ATXN7L1: variants seen among roughly 807,000 people sequenced by gnomAD.
ATXN7L1 encodes ataxin-7-like protein 1.
In ATXN7L1, 15 loss-of-function variants were observed where a neutral mutation model predicts 70.8. The observed-to-expected ratio is 0.21, with a 90% CI of 0.14 to 0.33. The LOEUF (loss-of-function observed/expected upper bound fraction) is 0.33. Ranked by LOEUF, ATXN7L1 falls within the 10% of genes least tolerant of loss-of-function variation. The pLI, the probability that ATXN7L1 is intolerant of heterozygous loss-of-function variation, is 1.00. For missense variants in ATXN7L1, 975 were observed against 1,097.1 expected (o/e 0.89, Z 1.57); for synonymous variants, 440 against 445.1 (o/e 0.99, Z 0.14).
chr7:105,789,137 G>A (rs1459791504), intron 2 of ATXN7L1, among the ~76,000 whole-genome samples: 1 of 152,210 alleles, frequency 6.6e-6, no homozygotes, highest in Non-Finnish European at 1.5e-5. Context: ...TCTGGCTGGG[G>A]ACAGAAGAAG....
intron 3 of ATXN7L1, among the ~76,000 whole-genome samples, chr7:105,758,308 C>T (rs1800060014): frequency 6.6e-6 from 1 of 152,204 alleles, no homozygotes. Flanking sequence ...ATGTTACATC[C>T]ATGACGGTGA....
chr7:105,735,387 A>C (rs1227681234), intron 3 of ATXN7L1, among the ~76,000 whole-genome samples: 1 of 152,146 alleles, frequency 6.6e-6, no homozygotes, highest in Non-Finnish European at 1.5e-5. Flanking sequence ...CCCTATTAAC[A>C]TGTTGTCTTT....
At chr7:105,816,098 G>A (rs1809148247) in intron 2 of ATXN7L1, among the ~76,000 whole-genome samples, 1 of 152,164 alleles carries the variant, frequency 6.6e-6, no homozygotes, top group African/African-American at 2.4e-5. Flanking sequence ...TGGGAGGATG[G>A]GGAGGAGAAG....
At chr7:105,609,818 C>A (rs1792993955) in intron 11 of ATXN7L1, among the ~76,000 whole-genome samples, 1 of 152,028 alleles carries the variant, frequency 6.6e-6, no homozygotes, top group East Asian at 1.9e-4. Context: ...GTCACCCAGG[C>A]TGGAGTGCAG....
intron 3 of ATXN7L1, among the ~76,000 whole-genome samples, chr7:105,698,936 T>C (rs532581517): frequency 1.1e-4 from 17 of 151,086 alleles, no homozygotes; most frequent in African/African-American, 4.1e-4. Context: ...TATATATACC[T>C]TACTAGGCAT....
chr7:105,637,203 G>A (rs1562932735), intron 7 of ATXN7L1, among the ~76,000 whole-genome samples: 8 of 152,196 alleles, frequency 5.3e-5, no homozygotes. Context: ...ATGACAGAGG[G>A]ACTCTGGCTG....
intron 2 of ATXN7L1, among the ~76,000 whole-genome samples, chr7:105,806,403 G>A (rs1237468670): frequency 6.6e-6 from 1 of 152,134 alleles, no homozygotes; most frequent in African/African-American, 2.4e-5. Context: ...CCAAAATTGT[G>A]AGAAATAAAC....
intron 3 of ATXN7L1, among the ~76,000 whole-genome samples, chr7:105,740,568 G>A: frequency 6.6e-6 from 1 of 151,980 alleles, no homozygotes; most frequent in African/African-American, 2.4e-5. Flanking sequence ...TAGCTGGGAT[G>A]GAAAAACCAC....
chr7:105,823,513 G>T (rs1246614836), intron 2 of ATXN7L1, among the ~76,000 whole-genome samples: 1 of 152,160 alleles, frequency 6.6e-6, no homozygotes, highest in Non-Finnish European at 1.5e-5. Context: ...CACTATATTG[G>T]AAGTTTTAAG....
At chr7:105,661,414 G>A (rs1330029337) in intron 4 of ATXN7L1, among the ~76,000 whole-genome samples, 1 of 152,144 alleles carries the variant, frequency 6.6e-6, no homozygotes, top group Non-Finnish European at 1.5e-5. Flanking sequence ...CGTTATGTTG[G>A]GCTGAGGGAC....
At chr7:105,716,722 G>C (rs913688349) in intron 3 of ATXN7L1, among the ~76,000 whole-genome samples, 12 of 91,948 alleles carry the variant, frequency 1.3e-4, no homozygotes, top group Non-Finnish European at 2.6e-4. Context: ...CACACACACA[G>C]TACAAAAATT....
chr7:105,620,464 T>G, intron 8 of ATXN7L1, 143 bp from the exon 9 acceptor site: 1 of 811,658 alleles, frequency 1.2e-6, no homozygotes, highest in Non-Finnish European at 1.8e-6. Flanking sequence ...CAAAAATACT[T>G]CTGCAGTTCT....
chr7:105,855,049 G>C (rs958140960), intron 2 of ATXN7L1, among the ~76,000 whole-genome samples: 1 of 151,480 alleles, frequency 6.6e-6, no homozygotes, highest in Non-Finnish European at 1.5e-5. Flanking sequence ...CCACCTCCCA[G>C]GTTCAGGTGA....
intron 3 of ATXN7L1, among the ~76,000 whole-genome samples, chr7:105,686,353 T>TA (rs1164050712): frequency 1.3e-5 from 2 of 152,068 alleles, no homozygotes; most frequent in African/African-American, 2.4e-5. Context: ...CCATCTCTAC[T>TA]AAAAATACAA....
intron 4 of ATXN7L1, among the ~76,000 whole-genome samples, chr7:105,657,527 A>C (rs1410691350): frequency 6.6e-6 from 1 of 151,570 alleles, no homozygotes; most frequent in East Asian, 1.9e-4. Context: ...GTGAAACTCT[A>C]ACTCTACAAA....
chr7:105,661,068 T>C (rs1326303484), intron 4 of ATXN7L1, among the ~76,000 whole-genome samples: 1 of 152,196 alleles, frequency 6.6e-6, no homozygotes, highest in Non-Finnish European at 1.5e-5. Context: ...TACAGTTGTA[T>C]AGGTTATGCA....
chr7:105,773,428 C>T (rs912569407), intron 3 of ATXN7L1, among the ~76,000 whole-genome samples: 1 of 152,180 alleles, frequency 6.6e-6, no homozygotes, highest in African/African-American at 2.4e-5. Context: ...GATGACGAGA[C>T]TGTCCTTGAA....
At chr7:105,694,802 G>A (rs1361199344) in intron 3 of ATXN7L1, among the ~76,000 whole-genome samples, 1 of 152,106 alleles carries the variant, frequency 6.6e-6, no homozygotes, top group African/African-American at 2.4e-5. Context: ...CCTCTATGGC[G>A]CTTCCAGAGA....
At chr7:105,657,304 C>T (rs1800811493) in intron 4 of ATXN7L1, among the ~76,000 whole-genome samples, 1 of 152,010 alleles carries the variant, frequency 6.6e-6, no homozygotes, top group African/African-American at 2.4e-5. Context: ...TTAGAGGAGC[C>T]CAATTGACAC....
Sources: gnomAD v4.1 joint callset for allele counts (sites outside exome capture counted in the v4.1 genomes callset) on GRCh38, gnomAD v4.1.1 for gene constraint, MANE v1.5 for transcripts, NCBI Gene and HGNC (gene_info 2026-07-23, HGNC 2026-07-21) for gene names.